Variants in ELAVL2 observed in about 807,000 individuals in gnomAD.
ELAVL2 encodes ELAV-like protein 2.
ELAVL2 carries 4 observed loss-of-function variants against 34.6 expected under a neutral mutation model. That is an observed-to-expected ratio of 0.12 (90% CI 0.06 to 0.26). The LOEUF (loss-of-function observed/expected upper bound fraction) is 0.26. Ranked by LOEUF, ELAVL2 falls within the 10% of genes least tolerant of loss-of-function variation. The pLI, the probability that ELAVL2 is intolerant of heterozygous loss-of-function variation, is 1.00. For missense variants in ELAVL2, 432 were observed against 442.8 expected (o/e 0.98, Z 0.22); for synonymous variants, 193 against 154.8 (o/e 1.25, Z -1.83).
At chr9:23,781,597 T>G (rs1350071755) in intron 1 of ELAVL2, among the ~76,000 whole-genome samples, 4 of 150,830 alleles carry the variant, frequency 2.7e-5, no homozygotes, top group Non-Finnish European at 5.9e-5. Context: ...CACAGCTCAC[T>G]GCAGCCTCCT....
intron 1 of ELAVL2, chr9:23,765,149 C>A: frequency 1.3e-6 from 2 of 1,511,956 alleles, no homozygotes; most frequent in South Asian, 1.2e-5. Context: ...CAAGATAATG[C>A]AACAAATCAG....
intron 1 of ELAVL2, among the ~76,000 whole-genome samples, chr9:23,787,046 C>A (rs2059776220): frequency 6.6e-6 from 1 of 151,994 alleles, no homozygotes; most frequent in South Asian, 2.1e-4. Context: ...ATGGGAAAGA[C>A]AAGAATTCAA....
chr9:23,765,509 G>C (rs762106476), intron 1 of ELAVL2, among the ~76,000 whole-genome samples: 5 of 151,992 alleles, frequency 3.3e-5, no homozygotes, highest in Non-Finnish European at 7.4e-5. Context: ...CAATTCCTAA[G>C]TGATTGGTTT....
chr9:23,809,569 T>A (rs2062704193), intron 1 of ELAVL2, among the ~76,000 whole-genome samples: 1 of 152,198 alleles, frequency 6.6e-6, no homozygotes, highest in Non-Finnish European at 1.5e-5. Context: ...CTATCATTCA[T>A]GATTTACTTA....
At chr9:23,741,424 C>CT in intron 2 of ELAVL2, among the ~76,000 whole-genome samples, 1 of 152,170 alleles carries the variant, frequency 6.6e-6, no homozygotes, top group Non-Finnish European at 1.5e-5. Context: ...GGTATAATCA[C>CT]TGAGCAGATG....
chr9:23,751,476 T>C (rs965291580), intron 2 of ELAVL2, among the ~76,000 whole-genome samples: 6 of 152,046 alleles, frequency 3.9e-5, no homozygotes, highest in African/African-American at 1.2e-4. Context: ...AACAAAGGGA[T>C]AGTAATTTTT....
intron 3 of ELAVL2, among the ~76,000 whole-genome samples, chr9:23,725,692 T>C (rs1310196100): frequency 6.6e-6 from 1 of 152,138 alleles, no homozygotes; most frequent in Non-Finnish European, 1.5e-5. Context: ...CAAATCCCCA[T>C]ATAAAGTTTA....
At chr9:23,693,857 G>C (rs1170133998) in intron 5 of ELAVL2, among the ~76,000 whole-genome samples, 1 of 152,190 alleles carries the variant, frequency 6.6e-6, no homozygotes. Flanking sequence ...TCACAACTCT[G>C]TTGGTGCCTG....
At chr9:23,703,268 A>C (rs1275342672) in intron 4 of ELAVL2, among the ~76,000 whole-genome samples, 1 of 152,240 alleles carries the variant, frequency 6.6e-6, no homozygotes, top group Non-Finnish European at 1.5e-5. Context: ...ACAAGATCTC[A>C]GAATGAATGA....
In ELAVL2 at chr9:23,701,602, T is replaced by C. The variant is rs201612079; in HGVS notation, c.490A>G (p.Ile164Val). 6 of 1,613,026 alleles carry C rather than the reference T, an allele frequency of 3.7e-6. No homozygotes were observed. Among genetic ancestry groups the C allele is most frequent in the Non-Finnish European group, 5.1e-6 (6 of 1,179,270 alleles). Residue 164 changes from isoleucine (I) to valine (V), a missense_variant and splice_region_variant, in exon 5 of 7, where the codon ATA (isoleucine) becomes GTA (valine). Ile to Val is a conservative substitution (Grantham distance 29). Coordinates refer to ENST00000397312, the MANE Select transcript of ELAVL2 (RefSeq NM_004432.5). ...CGAATAAACCCTACACCCCTTGATA[T>C]GCCTATGGTAGATTTGAGTAAAGAT... ...SRILVDQVTGISRGVGFIRFD... is the reference protein window; with the variant it reads ...SRILVDQVTGVSRGVGFIRFD...
intron 2 of ELAVL2, among the ~76,000 whole-genome samples, chr9:23,737,120 C>A (rs2134949084): frequency 6.6e-6 from 1 of 152,238 alleles, no homozygotes; most frequent in African/African-American, 2.4e-5. Context: ...TTGGATGCTC[C>A]CTCACTAGAC....
intron 1 of ELAVL2, among the ~76,000 whole-genome samples, chr9:23,809,617 G>A (rs1006645636): frequency 3.9e-5 from 6 of 152,084 alleles, no homozygotes; most frequent in African/African-American, 1.4e-4. Context: ...TCAGTCTCAT[G>A]TACTATATTC....
At chr9:23,735,843 G>T (rs1317569949) in intron 2 of ELAVL2, among the ~76,000 whole-genome samples, 2 of 152,150 alleles carry the variant, frequency 1.3e-5, no homozygotes, top group Non-Finnish European at 2.9e-5. Flanking sequence ...AGAGGCCTCT[G>T]AAGAGGACCA....
chr9:23,700,582 C>T (rs546514079), intron 5 of ELAVL2, among the ~76,000 whole-genome samples: 1 of 152,258 alleles, frequency 6.6e-6, no homozygotes, highest in South Asian at 2.1e-4. Context: ...CCACCTGTTG[C>T]TGTATGGGCT....
intron 1 of ELAVL2, among the ~76,000 whole-genome samples, chr9:23,823,436 T>C (rs1366567759): frequency 6.6e-6 from 1 of 152,198 alleles, no homozygotes; most frequent in Non-Finnish European, 1.5e-5. Context: ...CACTTCTTCC[T>C]ACAACCGTAG....
intron 1 of ELAVL2, among the ~76,000 whole-genome samples, chr9:23,769,668 C>G (rs148553741): frequency 1.3e-5 from 2 of 152,218 alleles, no homozygotes; most frequent in African/African-American, 2.4e-5. Context: ...ACTAGCTCTA[C>G]GAATTCCTCA....
intron 2 of ELAVL2, among the ~76,000 whole-genome samples, chr9:23,734,880 G>A (rs2047443006): frequency 6.6e-6 from 1 of 151,528 alleles, no homozygotes; most frequent in South Asian, 2.1e-4. Context: ...TAAGTCATGG[G>A]CCACCAGGGA....
chr9:23,797,232 CCT>C (rs980574041), intron 1 of ELAVL2, among the ~76,000 whole-genome samples: 3 of 152,184 alleles, frequency 2.0e-5, no homozygotes, highest in Non-Finnish European at 2.9e-5. Flanking sequence ...GAACCTCTAT[CCT>C]CTGTTTAAAA....
At chr9:23,710,893 G>A (rs770664408) in intron 3 of ELAVL2, among the ~76,000 whole-genome samples, 1 of 152,082 alleles carries the variant, frequency 6.6e-6, no homozygotes, top group Non-Finnish European at 1.5e-5. Flanking sequence ...GAGCTCAGAA[G>A]TATAGTACAC....
Sources: allele counts gnomAD v4.1 joint callset (sites outside exome capture counted in the v4.1 genomes callset), GRCh38; gene constraint gnomAD v4.1.1; transcripts MANE v1.5; gene names NCBI Gene and HGNC (gene_info 2026-07-23, HGNC 2026-07-21).